Variants in JPH3 observed in about 807,000 individuals in gnomAD.
JPH3 encodes the protein junctophilin 3.
Under a neutral mutation model 59.6 loss-of-function variants are expected in JPH3, and 11 were observed. That is an observed-to-expected ratio of 0.18 (90% CI 0.12 to 0.31). The LOEUF (loss-of-function observed/expected upper bound fraction) is 0.31, where lower values mean the gene tolerates loss of function less well. Among genes scored for constraint, JPH3 ranks in the 10% least tolerant of loss-of-function variants. The pLI, the probability that JPH3 is intolerant of heterozygous loss-of-function variation, is 1.00. For missense variants in JPH3, 1,202 were observed against 1,105.7 expected (o/e 1.09, Z -1.24); for synonymous variants, 673 against 483.6 (o/e 1.39, Z -5.14).
At chr16:87,665,248 C>A (rs573892405) in intron 2 of JPH3, among the ~76,000 whole-genome samples, 2 of 152,318 alleles carry the variant, frequency 1.3e-5, no homozygotes, top group African/African-American at 4.8e-5. Context: ...ATTGGCTGCC[C>A]GGGACCTGCT....
rs139716887 is a variant in JPH3 at position 87,630,010 on chromosome 16, C to T, written c.383-14248C>T. Among the ~76,000 whole-genome samples the T allele has an allele frequency of 6.9e-3, 1,044 of 152,286 alleles. 5 individuals are homozygous for T. The highest frequency in any genetic ancestry group is 0.017 in the Middle Eastern group (5 of 294). On this transcript the variant is annotated intron_variant, in intron 1 of 4. Transcript: ENST00000284262. ...TTAAAAAGAAAAAGTTAAAAAAAGA[C>T]CACATGAACCCATGTGGAGAGTGGA... is the stretch of plus-strand genomic sequence containing the variant.
At position 87,645,022 on chromosome 16, in the gene JPH3, A is replaced by T; in HGVS notation, c.1147A>T (p.Ile383Phe). 2.5e-6 allele frequency: 4 copies of T among 1,602,954 alleles called. No individual in the cohort carries two copies. The highest frequency in any genetic ancestry group is 3.4e-6 in the Non-Finnish European group (4 of 1,178,692). Residue 383 changes from isoleucine to phenylalanine, a missense_variant, in exon 2 of 5, where the codon ATC (isoleucine) becomes TTC (phenylalanine). Ile to Phe is a conservative substitution (Grantham distance 21, BLOSUM62 0). Coordinates refer to ENST00000284262, the MANE Select transcript of JPH3 (RefSeq NM_020655.4). ...CACCATCGCCAAGCAGAAGGCTGAG[A>T]TCGCGGCTTCCAGGTAGGAGGGCGA... is the stretch of plus-strand genomic sequence containing the variant. ...AATIAKQKAE[I>F]AASRTSHSRA...
intron 2 of JPH3, among the ~76,000 whole-genome samples, chr16:87,663,439 G>A (rs1078661): frequency 0.067 from 10,137 of 152,214 alleles, 1,156 homozygotes; most frequent in African/African-American, 0.23. Context: ...TTGGACAGTC[G>A]GTTTTGCTAC....
At chr16:87,673,947 ATAAT>A (rs1004691596) in intron 2 of JPH3, among the ~76,000 whole-genome samples, 91 of 151,626 alleles carry the variant, frequency 6.0e-4, no homozygotes, top group Middle Eastern at 3.4e-3. Flanking sequence ...ATATAAATAA[ATAAT>A]TTAAAAATTA....
rs145336889 is a variant in JPH3 at position 87,661,352 on chromosome 16, A to G, written c.1160+16317A>G. 5.4e-4 allele frequency among the ~76,000 whole-genome samples: 83 copies of G among 152,334 alleles called. 1 individual carries two copies. The highest frequency in any genetic ancestry group is 1.9e-3 in the African/African-American group (79 of 41,572). ...GCCACATAAGGGGACACATTCACAGACGGGTTCTGGGGATCAAAACAGGGA... is the reference window on the plus strand; with the variant it reads ...GCCACATAAGGGGACACATTCACAGGCGGGTTCTGGGGATCAAAACAGGGA... On this transcript the variant is annotated intron_variant, in intron 2 of 4. Coordinates refer to ENST00000284262, the MANE Select transcript of JPH3 (RefSeq NM_020655.4).
At chr16:87,662,234 G>A (rs951430837) in intron 2 of JPH3, among the ~76,000 whole-genome samples, 2 of 152,100 alleles carry the variant, frequency 1.3e-5, no homozygotes, top group African/African-American at 2.4e-5. Flanking sequence ...GATATCCTAC[G>A]CTGCCGAGAT....
chr16:87,670,960 T>G (rs28461443), intron 2 of JPH3, among the ~76,000 whole-genome samples: 55,013 of 151,832 alleles, frequency 0.36, 10,086 homozygotes, highest in Middle Eastern at 0.48. Context: ...CCTGAATCAG[T>G]GTGGTGTGAC....
At chr16:87,643,666 G>C (rs1215786270) in intron 1 of JPH3, among the ~76,000 whole-genome samples, 2 of 152,288 alleles carry the variant, frequency 1.3e-5, no homozygotes, top group Middle Eastern at 3.4e-3. Flanking sequence ...GGGTTCTGTG[G>C]TCCTCACTCT....
chr16:87,686,555 C>T lies in JPH3; in HGVS notation c.1285+2289C>T, dbSNP rs545514266. ...TCAGTCCTGGAGTCAGAGATGCTTC[C>T]TCGAGGGCTCAGTCCTGGAGTCAGA... On this transcript the variant is annotated intron_variant, in intron 3 of 4. Coordinates refer to ENST00000284262, the MANE Select transcript of JPH3 (RefSeq NM_020655.4). Among the ~76,000 whole-genome samples, 156 of 148,536 alleles carry T rather than the reference C, an allele frequency of 1.1e-3. 2 individuals carry two copies. Among genetic ancestry groups the T allele is most frequent in the South Asian group, 2.2e-3 (10 of 4,650 alleles).
At chr16:87,603,650 T>C in intron 1 of JPH3, 122 bp downstream of exon 1, 1 of 1,244,230 alleles carries the variant, frequency 8.0e-7, no homozygotes, top group Non-Finnish European at 1.1e-6. Context: ...ACCAGGGGCC[T>C]TTCCCGGGCT....
At chr16:87,644,236 C>T (rs1341212361) in intron 1 of JPH3, 22 bp from the exon 2 acceptor site, 5 of 1,585,192 alleles carry the variant, frequency 3.2e-6, no homozygotes, top group Middle Eastern at 1.7e-4. Context: ...GGGCACTCAC[C>T]CCTCTCTCAT....
chr16:87,638,260 A>G (rs993010792), intron 1 of JPH3, among the ~76,000 whole-genome samples: 17 of 152,034 alleles, frequency 1.1e-4, no homozygotes, highest in Admixed American at 2.6e-4. Flanking sequence ...GGGTCTCACT[A>G]TGTTGCCCAG....
At chr16:87,630,302 T>A (rs945124133) in intron 1 of JPH3, among the ~76,000 whole-genome samples, 1 of 152,188 alleles carries the variant, frequency 6.6e-6, no homozygotes, top group Admixed American at 6.5e-5. Flanking sequence ...AAACGGTGCT[T>A]TTGGCCTCTG....
In JPH3 at chr16:87,603,604, G is replaced by A. The variant is rs1044232694; in HGVS notation, c.382+76G>A. On this transcript the variant is annotated intron_variant, in intron 1 of 4. Coordinates refer to ENST00000284262, the MANE Select transcript of JPH3 (RefSeq NM_020655.4). ...TCGCGCCCCTTCTGTGGATCTCTGG[G>A]GAAGTTGAGCTGCGTCCTCCGGTTG... is the stretch of plus-strand genomic sequence containing the variant. 5.4e-5 allele frequency: 80 copies of A among 1,482,396 alleles called. 1 individual carries two copies. The African/African-American group carries it at 1.0e-3, about 19-fold the overall frequency. The allele number at this position is 1,482,396 out of a possible 1,614,324, so 91.8% of individuals were successfully genotyped here. A position where few individuals can be genotyped will look rare whatever the true frequency, so the allele number is the denominator to read the frequency against.
intron 1 of JPH3, among the ~76,000 whole-genome samples, chr16:87,626,608 C>T (rs558367690): frequency 2.6e-5 from 4 of 152,358 alleles, no homozygotes; most frequent in Middle Eastern, 3.4e-3. Context: ...CCCGAGTGGG[C>T]GGCCTCCCTG....
At chr16:87,671,290 G>A (rs1307892648) in intron 2 of JPH3, among the ~76,000 whole-genome samples, 7 of 152,276 alleles carry the variant, frequency 4.6e-5, no homozygotes, top group South Asian at 2.1e-4. Flanking sequence ...CCGAGGTGGC[G>A]ACTGGGTTGT....
rs147138947 is a variant in JPH3 at position 87,655,806 on chromosome 16, G to A, written c.1160+10771G>A. The stretch of plus-strand genomic sequence containing the variant: ...AGTCTGGCCATCTCATGGTCCCTGC[G>A]TCTGCTCTGCCCACCTCGTAGGAGG... On this transcript the variant is annotated intron_variant, in intron 2 of 4. Transcript: ENST00000284262. Among the ~76,000 whole-genome samples the A allele has an allele frequency of 5.9e-3, 899 of 152,336 alleles. 8 individuals carry two copies. The highest frequency in any genetic ancestry group is 0.021 in the African/African-American group (854 of 41,584).
intron 4 of JPH3, among the ~76,000 whole-genome samples, chr16:87,691,916 C>G (rs2033593001): frequency 6.6e-6 from 1 of 151,980 alleles, no homozygotes; most frequent in African/African-American, 2.4e-5. Flanking sequence ...GGGACGGGTT[C>G]TATTTTTAGC....
At chr16:87,659,038 C>T (rs185810258) in intron 2 of JPH3, among the ~76,000 whole-genome samples, 104 of 152,312 alleles carry the variant, frequency 6.8e-4, no homozygotes, top group African/African-American at 1.7e-3. Context: ...GCGGCCACAG[C>T]GAAAGCCATG....
Sources: allele counts gnomAD v4.1 joint callset (sites outside exome capture counted in the v4.1 genomes callset), GRCh38; gene constraint gnomAD v4.1.1; transcripts MANE v1.5; gene names NCBI Gene and HGNC (gene_info 2026-07-23, HGNC 2026-07-21).